MOB4: variants seen among roughly 807,000 people sequenced by gnomAD.
The protein encoded by MOB4 is MOB-like protein phocein.
A neutral mutation model predicts 32.2 loss-of-function variants in MOB4; 4 were observed. That is an observed-to-expected ratio of 0.12 (90% confidence interval 0.06 to 0.28). MOB4 has a LOEUF of 0.28. Among genes scored for constraint, MOB4 ranks in the 10% least tolerant of loss-of-function variants. MOB4 has a pLI of 1.00. For missense variants in MOB4, 158 were observed against 271.2 expected (o/e 0.58, Z 2.93); for synonymous variants, 88 against 88.1 (o/e 1.00, Z 0.01).
At chr2:197,539,318 T>C (rs1453797477) in intron 3 of MOB4, among the ~76,000 whole-genome samples, 1 of 13,732 alleles carries the variant, frequency 7.3e-5, no homozygotes, top group Non-Finnish European at 1.5e-4. Flanking sequence ...TGTAATGTAA[T>C]TTTTTTTTTT....
rs193156924 is a variant in MOB4, at chr2:197,550,875, A to G, written c.*229A>G. 396 of 282,170 alleles carry G rather than the reference A, an allele frequency of 1.4e-3. 1 individual carries two copies. Among genetic ancestry groups the G allele is most frequent in the Admixed American group, 5.2e-3 (96 of 18,308 alleles). The allele number at this position is 282,170 out of a possible 1,614,324, so 17.5% of individuals were successfully genotyped here. A position where few individuals can be genotyped will look rare whatever the true frequency, so the allele number is the denominator to read the frequency against. ...TAAATAAGATTAGTATTATCTGTTTATAATGCCTGTTAATAAAAGAATTTA... is the reference window on the plus strand; with the variant it reads ...TAAATAAGATTAGTATTATCTGTTTGTAATGCCTGTTAATAAAAGAATTTA... On this transcript the variant is annotated 3_prime_UTR_variant, in exon 8 of 8. Coordinates refer to ENST00000323303, the MANE Select transcript of MOB4 (RefSeq NM_015387.5).
chr2:197,550,653 T>A lies in MOB4; in HGVS notation c.*7T>A. 6.3e-7 allele frequency: 1 copy of A among 1,584,826 alleles called. No homozygotes were observed. ...TGGGGAAAGTGAAGCATGAAGGGAATCATAGGAAAAATGTACTGATCATAT... is the reference window on the plus strand; with the variant it reads ...TGGGGAAAGTGAAGCATGAAGGGAAACATAGGAAAAATGTACTGATCATAT... On this transcript the variant is annotated 3_prime_UTR_variant, in exon 8 of 8. Coordinates refer to ENST00000323303, the MANE Select transcript of MOB4 (RefSeq NM_015387.5).
intron 2 of MOB4, chr2:197,534,037 C>A: frequency 2.2e-6 from 1 of 447,304 alleles, no homozygotes; most frequent in Non-Finnish European, 4.3e-6. Flanking sequence ...CCATATCAAG[C>A]TGAAAATGTC....
chr2:197,524,540 A>C (rs1277430555), intron 2 of MOB4, among the ~76,000 whole-genome samples: 2 of 151,868 alleles, frequency 1.3e-5, no homozygotes, highest in African/African-American at 2.4e-5. Flanking sequence ...CAAAAAAAAA[A>C]AAAAAAACAA....
At chr2:197,549,026 C>T (rs963519106) in intron 6 of MOB4, among the ~76,000 whole-genome samples, 3 of 151,874 alleles carry the variant, frequency 2.0e-5, no homozygotes, top group South Asian at 4.1e-4. Context: ...ATTGGGAGTT[C>T]GAGACCAGCC....
At chr2:197,526,314 CTTTTTTTA>C (rs370769374) in intron 2 of MOB4, among the ~76,000 whole-genome samples, 15 of 151,994 alleles carry the variant, frequency 9.9e-5, no homozygotes, top group South Asian at 4.2e-4. Context: ...CTTTTTCTTA[CTTTTTTTA>C]TTTTTTTATT....
intron 2 of MOB4, among the ~76,000 whole-genome samples, chr2:197,529,811 G>A (rs1236132552): frequency 6.6e-6 from 1 of 151,626 alleles, no homozygotes; most frequent in African/African-American, 2.4e-5. Context: ...ACACCACCGT[G>A]CCCAGCTAAT....
intron 1 of MOB4, chr2:197,516,768 C>A: frequency 2.1e-6 from 1 of 471,016 alleles, no homozygotes; most frequent in South Asian, 1.5e-5. Context: ...TCATTCCTTG[C>A]TAATATGCGT....
intron 2 of MOB4, 57 bp from the exon 3 acceptor site, chr2:197,535,473 C>A: frequency 6.7e-7 from 1 of 1,495,836 alleles, no homozygotes. Context: ...ATGTACTTAA[C>A]ATAAGATTTA....
chr2:197,518,594 G>T (rs529528201), intron 1 of MOB4, among the ~76,000 whole-genome samples: 1 of 149,094 alleles, frequency 6.7e-6, no homozygotes, highest in African/African-American at 2.5e-5. Context: ...GCAGAGTCTC[G>T]TTCTGTCGCC....
intron 5 of MOB4, among the ~76,000 whole-genome samples, chr2:197,545,107 A>G (rs557642415): frequency 2.0e-5 from 3 of 152,328 alleles, no homozygotes; most frequent in South Asian, 4.1e-4. Context: ...ATGAATATTC[A>G]CAGTCACATT....
At chr2:197,528,993 G>A (rs1038967209) in intron 2 of MOB4, among the ~76,000 whole-genome samples, 50 of 147,218 alleles carry the variant, frequency 3.4e-4, no homozygotes, top group Admixed American at 2.1e-3. Context: ...ACAGAGTCTC[G>A]CTCTGTCACT....
chr2:197,549,859 T>TAAAAAAAAA (rs573507195), intron 6 of MOB4, among the ~76,000 whole-genome samples: 1 of 85,104 alleles, frequency 1.2e-5, no homozygotes, highest in Non-Finnish European at 2.4e-5. Context: ...CCTTAATTTC[T>TAAAAAAAAA]AAAAAAAAAA....
chr2:197,543,688 G>A (rs1382997752), intron 5 of MOB4, among the ~76,000 whole-genome samples: 1 of 152,172 alleles, frequency 6.6e-6, no homozygotes, highest in Non-Finnish European at 1.5e-5. Context: ...GGTAGAAGCT[G>A]CCAAAGGATG....
At chr2:197,535,764 G>C (rs2086786232) in intron 3 of MOB4, 134 bp downstream of exon 3, 1 of 920,572 alleles carries the variant, frequency 1.1e-6, no homozygotes, top group African/African-American at 1.7e-5. Context: ...GGCATTTTCA[G>C]TGTCACAAGG....
chr2:197,527,556 C>G (rs2086630755), intron 2 of MOB4, among the ~76,000 whole-genome samples: 1 of 152,104 alleles, frequency 6.6e-6, no homozygotes, highest in Non-Finnish European at 1.5e-5. Context: ...TTGGGATTTC[C>G]TATATATAGG....
At chr2:197,532,239 A>G (rs1160862282) in intron 2 of MOB4, among the ~76,000 whole-genome samples, 6 of 152,128 alleles carry the variant, frequency 3.9e-5, no homozygotes, top group Non-Finnish European at 7.4e-5. Context: ...TTTCTAAGTT[A>G]AGGATTTCTT....
At chr2:197,539,317 A>T (rs1451760750) in intron 3 of MOB4, among the ~76,000 whole-genome samples, 5 of 126,720 alleles carry the variant, frequency 3.9e-5, no homozygotes, top group Admixed American at 8.7e-5. Context: ...TTGTAATGTA[A>T]TTTTTTTTTT....
chr2:197,525,384 T>A (rs74761182), intron 2 of MOB4, among the ~76,000 whole-genome samples: 1 of 151,646 alleles, frequency 6.6e-6, no homozygotes, highest in Non-Finnish European at 1.5e-5. Flanking sequence ...TCGGATTTGT[T>A]ATGTTATTTG....
Sources: gnomAD v4.1 joint callset for allele counts (sites outside exome capture counted in the v4.1 genomes callset) on GRCh38, gnomAD v4.1.1 for gene constraint, MANE v1.5 for transcripts, NCBI Gene and HGNC (gene_info 2026-07-23, HGNC 2026-07-21) for gene names.